Variants in ABCC6 observed in about 807,000 individuals in gnomAD.
ABCC6 encodes the protein ATP-binding cassette sub-family C member 6.
In ABCC6, 126 loss-of-function variants were observed where a neutral mutation model predicts 169.5. The ratio of observed to expected loss-of-function variants is 0.74; its 90% CI spans 0.64 to 0.86. ABCC6 has a LOEUF of 0.86. ABCC6 is among the 40% of genes least tolerant of loss of function. The pLI is 0.00. For synonymous variants in ABCC6, 752 were observed against 814.7 expected, an observed-to-expected ratio of 0.92 and a Z score of 1.31; for missense variants, 1,733 against 1,927.2, an observed-to-expected ratio of 0.90 and a Z score of 1.89.
At chr16:16,181,344 GAAAAAAAA>G (rs749040729) in intron 17 of ABCC6, among the ~76,000 whole-genome samples, 1,045 of 78,378 alleles carry the variant, frequency 0.013, 13 homozygotes, top group African/African-American at 0.04. Flanking sequence ...CTCCGTCTCA[GAAAAAAAA>G]AAAAAAAAAA....
chr16:16,214,544 G>C (rs2048779726), intron 4 of ABCC6, 95 bp from the exon 5 acceptor site: 1 of 1,546,584 alleles, frequency 6.5e-7, no homozygotes, highest in Non-Finnish European at 8.7e-7. Context: ...GCCCACTCTG[G>C]GGACCAGGGC....
intron 1 of ABCC6, 24 bp from the exon 2 acceptor site, chr16:16,221,855 T>A (rs1396483591): frequency 6.2e-7 from 1 of 1,612,494 alleles, no homozygotes; most frequent in Non-Finnish European, 8.5e-7. Flanking sequence ...AAGAGGACCC[T>A]TAGGATGGTA....
intron 11 of ABCC6, among the ~76,000 whole-genome samples, chr16:16,191,770 CTCCT>C (rs1018352822): frequency 3.3e-5 from 5 of 151,120 alleles, no homozygotes; most frequent in Non-Finnish European, 5.9e-5. Context: ...CCTTCCCTCC[CTCCT>C]TTTCTCTCCT....
chr16:16,168,268 A>G (rs2046942342), intron 22 of ABCC6, among the ~76,000 whole-genome samples: 2 of 152,280 alleles, frequency 1.3e-5, no homozygotes, highest in Admixed American at 6.5e-5. Flanking sequence ...GAGGCGGAGG[A>G]TTGCCTGAGC....
intron 4 of ABCC6, among the ~76,000 whole-genome samples, chr16:16,217,927 T>C (rs1375832707): frequency 6.6e-6 from 1 of 152,238 alleles, no homozygotes; most frequent in African/African-American, 2.4e-5. Context: ...TTGTCTCTAC[T>C]AAAAATACAA....
At chr16:16,151,908 G>A (rs914048370) in intron 29 of ABCC6, among the ~76,000 whole-genome samples, 1 of 151,916 alleles carries the variant, frequency 6.6e-6, no homozygotes, top group Admixed American at 6.6e-5. Flanking sequence ...AAAGTGTGTG[G>A]GTGGCGGGGC....
chr16:16,162,941 C>G (rs2046765806), intron 24 of ABCC6, 52 bp downstream of exon 24: 2 of 1,610,548 alleles, frequency 1.2e-6, no homozygotes, highest in Admixed American at 1.7e-5. Context: ...AGGTCTCACC[C>G]TCTAAGGATA....
chr16:16,196,684 G>A (rs1363158996), intron 10 of ABCC6, among the ~76,000 whole-genome samples: 2 of 152,074 alleles, frequency 1.3e-5, no homozygotes, highest in Non-Finnish European at 2.9e-5. Flanking sequence ...TCCCGATACA[G>A]AGTCTAATTT....
Position 16,190,111 on chromosome 16 carries a change from C to G in ABCC6, c.1635+53G>C, listed in dbSNP as rs1216395893. The stretch of plus-strand genomic sequence containing the variant: ...CTCCACCTACCTCACCCTGCCCCCA[C>G]CCCCGCACTCCTTCCCCAGTGCTGC... On this transcript the variant is annotated intron_variant, in intron 12 of 30. Coordinates refer to ENST00000205557, the MANE Select transcript of ABCC6 (RefSeq NM_001171.6). 5 of 1,598,522 alleles carry G rather than the reference C, an allele frequency of 3.1e-6. No homozygotes were observed. The African/African-American group carries it at 4.0e-5, about 13-fold the overall frequency.
At chr16:16,188,769 C>T (rs1017611271) in intron 13 of ABCC6, 62 bp downstream of exon 13, 3 of 1,568,436 alleles carry the variant, frequency 1.9e-6, no homozygotes, top group Non-Finnish European at 2.6e-6. Context: ...GGTAGGGAAG[C>T]TGGAGCCAGG....
chr16:16,211,975 G>A lies in ABCC6; in HGVS notation c.662+210C>T, dbSNP rs569526072. Among the ~76,000 whole-genome samples the A allele has an allele frequency of 6.5e-3, 959 of 147,892 alleles. 8 individuals are homozygous for A. Among genetic ancestry groups the A allele is most frequent in the African/African-American group, 0.024 (923 of 38,808 alleles). On this transcript the variant is annotated intron_variant, in intron 6 of 30. Transcript: ENST00000205557. ...ACATGGCCTGCTAACAGGCAGAGCC[G>A]GGATTCAAATCAAGATCTCACTCCA...
At chr16:16,154,486 T>C in intron 29 of ABCC6, 142 bp downstream of exon 29, 1 of 1,072,496 alleles carries the variant, frequency 9.3e-7, no homozygotes, top group Non-Finnish European at 1.4e-6. Context: ...GAGCTTGGAA[T>C]TGCAGATAAG....
chr16:16,163,106 G>T lies in ABCC6; in HGVS notation c.3393C>A (p.Phe1131Leu). ...ATGCCCGGACCACTGTGCTGCCCTG[G>T]AACGTCTCAGCCATGTGGGAGCAGA... ...SSVCSHMAET[F>L]QGSTVVRAFR... The change falls in exon 24 of 31, where the codon TTC becomes TTA. Residue 1131 changes from phenylalanine (F) to leucine (L), a missense_variant. Phe to Leu is a conservative substitution (Grantham distance 22). Transcript: ENST00000205557. 2.5e-6 allele frequency: 4 copies of T among 1,613,860 alleles called. No individual in the cohort carries two copies. The highest frequency in any genetic ancestry group is 3.4e-6 in the Non-Finnish European group (4 of 1,180,034).
At chr16:16,182,330 A>T in intron 17 of ABCC6, 82 bp downstream of exon 17, 1 of 1,553,532 alleles carries the variant, frequency 6.4e-7, no homozygotes, top group Non-Finnish European at 8.9e-7. Flanking sequence ...TTTCTCCATC[A>T]TACTGCCCAT....
At chr16:16,197,434 G>C (rs892060166) in intron 10 of ABCC6, among the ~76,000 whole-genome samples, 1 of 151,250 alleles carries the variant, frequency 6.6e-6, no homozygotes, top group Non-Finnish European at 1.5e-5. Context: ...GATGGGGGTG[G>C]AAGGGGAGGA....
At position 16,178,853 on chromosome 16, in the gene ABCC6, A is replaced by T; in HGVS notation, c.2360T>A (p.Val787Asp). 6.2e-7 allele frequency: 1 copy of T among 1,613,704 alleles called. No individual in the cohort carries two copies. Among genetic ancestry groups the T allele is most frequent in the Non-Finnish European group, 8.5e-7 (1 of 1,180,032 alleles). Residue 787 changes from valine to aspartate, a missense_variant, in exon 18 of 31, where the codon GTT becomes GAT. Val to Asp is a radical substitution (Grantham distance 152, BLOSUM62 -3). This residue lies in a region of ABCC6 where 1,601 missense variants were observed against 1,635.5 expected (regional missense o/e 0.98). Coordinates refer to ENST00000205557, the MANE Select transcript of ABCC6 (RefSeq NM_001171.6). ...GACCTGGTTGAAGACATGCTGGCCA[A>T]CGTGGGCATCCAGGGCCGCCAGGGG... is the stretch of plus-strand genomic sequence containing the variant. ...DDPLAALDAH[V>D]GQHVFNQVIG...
At position 16,154,705 on chromosome 16, in the gene ABCC6, C is replaced by T. The variant is rs750573670; in HGVS notation, c.4131G>A (p.Thr1377=). The change falls in exon 29 of 31, where the codon ACG becomes ACA. Residue 1377 remains threonine (T), a synonymous_variant. Coordinates refer to ENST00000205557, the MANE Select transcript of ABCC6 (RefSeq NM_001171.6). ...TGGCCACCAAGGCTTTGAGCTGCAC[C>T]GTCTCCAGGGCTGCCCAGATAGCCT... ...SDEAIWAALE[T]VQLKALVASL... is the part of the protein sequence containing the mutation. 14 of 1,613,530 alleles carry T rather than the reference C, an allele frequency of 8.7e-6. No individual in the cohort carries two copies. The highest frequency in any genetic ancestry group is 6.7e-5 in the East Asian group (3 of 44,880).
chr16:16,203,693 T>G, intron 7 of ABCC6, 80 bp from the exon 8 acceptor site: 1 of 1,526,728 alleles, frequency 6.5e-7, no homozygotes, highest in South Asian at 1.2e-5. Flanking sequence ...ATTAAAGGGT[T>G]GTTTTCCCAA....
rs1567476372 is a variant in ABCC6, at chr16:16,163,209, GGAGAGGGAA to G, written c.3307-26_3307-18del. On this transcript the variant is annotated intron_variant, in intron 23 of 30. Coordinates refer to ENST00000205557, the MANE Select transcript of ABCC6 (RefSeq NM_001171.6). ...ATACAGGCTCTGAGAAGGATGGATGGGAGAGGGAAGAGGAGAAGCCACAGACATAGAGAG... is the reference window on the plus strand; with the variant it reads ...ATACAGGCTCTGAGAAGGATGGATGGGAGGAGAAGCCACAGACATAGAGAG... 1 of 1,611,184 alleles carries G rather than the reference GGAGAGGGAA, an allele frequency of 6.2e-7. No homozygotes were observed. The highest frequency in any genetic ancestry group is 1.1e-5 in the South Asian group (1 of 91,040).
Sources: allele counts gnomAD v4.1 joint callset (sites outside exome capture counted in the v4.1 genomes callset), GRCh38; gene constraint gnomAD v4.1.1; regional missense constraint gnomAD v4.1.1; transcripts MANE v1.5; gene names NCBI Gene and HGNC (gene_info 2026-07-23, HGNC 2026-07-21).